The following NAV3 variants were observed in gnomAD, a reference collection of about 807,000 sequenced individuals.
The protein encoded by NAV3 is neuron navigator 3.
A neutral mutation model predicts 244.7 loss-of-function variants in NAV3; 87 were observed. The ratio of observed to expected loss-of-function variants is 0.36; its 90% confidence interval spans 0.30 to 0.42. NAV3 has a LOEUF of 0.42. NAV3 is among the 20% of genes least tolerant of loss of function. NAV3 has a pLI of 1.00. For synonymous variants in NAV3, 1,126 were observed against 1,042.2 expected (o/e 1.08, Z -1.55); for missense variants, 2,663 against 2,893.3 (o/e 0.92, Z 1.83).
chr12:78,000,670 A>AT (rs376261708), intron 7 of NAV3, among the ~76,000 whole-genome samples: 39,494 of 143,112 alleles, frequency 0.28, 5,605 homozygotes, highest in African/African-American at 0.34. Flanking sequence ...CGCCCGGCTA[A>AT]TTTTTTGTAT....
At position 78,003,366 on chromosome 12, in the gene NAV3, A is replaced by G. The variant is rs149766653; in HGVS notation, c.881-3053A>G. On this transcript the variant is annotated intron_variant, in intron 7 of 39. Transcript: ENST00000397909. ...TTTCCTCTTTCCACCACGATCTGTGATGCTTAAAGTATCCTATATTCAGCA... is the reference window on the plus strand; with the variant it reads ...TTTCCTCTTTCCACCACGATCTGTGGTGCTTAAAGTATCCTATATTCAGCA... Among the ~76,000 whole-genome samples, 26 of 152,298 alleles carry G rather than the reference A, an allele frequency of 1.7e-4. No homozygotes were observed. The East Asian group carries it at 3.7e-3, about 22-fold the overall frequency.
chr12:78,166,136 A>G (rs1463699101), intron 23 of NAV3, among the ~76,000 whole-genome samples: 2 of 151,958 alleles, frequency 1.3e-5, no homozygotes, highest in African/African-American at 2.4e-5. Flanking sequence ...AACAAACTAC[A>G]TTAAATAGTC....
intron 2 of NAV3, among the ~76,000 whole-genome samples, chr12:77,776,810 G>A (rs762785071): frequency 4.6e-5 from 7 of 152,116 alleles, no homozygotes; most frequent in African/African-American, 7.2e-5. Flanking sequence ...GAGAAACCCC[G>A]TCTCTACTAA....
At chr12:77,659,819 A>G (rs1031670894) in intron 2 of NAV3, among the ~76,000 whole-genome samples, 14 of 152,188 alleles carry the variant, frequency 9.2e-5, no homozygotes, top group African/African-American at 2.9e-4. Flanking sequence ...AGGGACATGG[A>G]TGAAACTGGA....
intron 2 of NAV3, among the ~76,000 whole-genome samples, chr12:77,752,365 G>A (rs760066984): frequency 5.9e-5 from 9 of 152,176 alleles, no homozygotes; most frequent in Non-Finnish European, 1.3e-4. Flanking sequence ...TTATAGGGAC[G>A]CAACTACTAC....
chr12:78,157,705 T>C (rs1008044429), intron 22 of NAV3, among the ~76,000 whole-genome samples: 28 of 152,110 alleles, frequency 1.8e-4, no homozygotes, highest in African/African-American at 6.0e-4. Context: ...TTTTTAGTGG[T>C]ATTTATCCAA....
chr12:77,917,718 T>C (rs775335079), intron 1 of NAV3, among the ~76,000 whole-genome samples: 8 of 152,056 alleles, frequency 5.3e-5, no homozygotes, highest in Admixed American at 1.3e-4. Flanking sequence ...GGCCAGAGTG[T>C]TTCTTTTTCA....
intron 34 of NAV3, 36 bp from the exon 35 acceptor site, chr12:78,197,211 A>G: frequency 2.7e-6 from 4 of 1,464,724 alleles, no homozygotes; most frequent in East Asian, 2.5e-5. Context: ...GTATAAATTT[A>G]TCACTGACGT....
chr12:77,937,374 C>T (rs568190497), intron 1 of NAV3, among the ~76,000 whole-genome samples: 1 of 152,286 alleles, frequency 6.6e-6, no homozygotes, highest in Admixed American at 6.5e-5. Flanking sequence ...GCTGGCCTCC[C>T]ATTTGTTTTC....
intron 1 of NAV3, among the ~76,000 whole-genome samples, chr12:77,868,678 C>T (rs1880455443): frequency 6.7e-6 from 1 of 149,708 alleles, no homozygotes; most frequent in Non-Finnish European, 1.5e-5. Context: ...ATTGCTAGAA[C>T]CTGGGAAATG....
chr12:78,042,918 G>T (rs1343074447), intron 9 of NAV3, among the ~76,000 whole-genome samples: 1 of 151,184 alleles, frequency 6.6e-6, no homozygotes, highest in Non-Finnish European at 1.5e-5. Context: ...AAATAATTAG[G>T]ATCCTAATGA....
chr12:77,967,828 C>T (rs919048139), intron 4 of NAV3, among the ~76,000 whole-genome samples: 5 of 151,942 alleles, frequency 3.3e-5, no homozygotes, highest in Non-Finnish European at 5.9e-5. Context: ...TGTTATCTGA[C>T]GTAAGCTAAT....
chr12:77,865,666 A>G (rs1879892713), intron 1 of NAV3, among the ~76,000 whole-genome samples: 2 of 152,222 alleles, frequency 1.3e-5, no homozygotes, highest in East Asian at 3.9e-4. Flanking sequence ...TGTATTTAAC[A>G]ACAAACAAAT....
intron 2 of NAV3, among the ~76,000 whole-genome samples, chr12:77,768,625 G>T (rs1869912651): frequency 6.6e-6 from 1 of 152,228 alleles, no homozygotes; most frequent in Non-Finnish European, 1.5e-5. Flanking sequence ...GTGGGGAGCT[G>T]CCAGGCAGAG....
intron 2 of NAV3, among the ~76,000 whole-genome samples, chr12:77,772,099 T>A (rs954453834): frequency 3.3e-5 from 5 of 152,098 alleles, no homozygotes; most frequent in Non-Finnish European, 5.9e-5. Context: ...CAACTACAAA[T>A]TTGATAACAT....
intron 2 of NAV3, among the ~76,000 whole-genome samples, chr12:77,581,157 A>C (rs1234206036): frequency 1.3e-5 from 2 of 152,334 alleles, no homozygotes; most frequent in East Asian, 1.9e-4. Flanking sequence ...CATGATCTAC[A>C]TGGAAAATTT....
intron 9 of NAV3, among the ~76,000 whole-genome samples, chr12:78,040,529 A>G (rs146620823): frequency 6.6e-5 from 10 of 152,304 alleles, no homozygotes; most frequent in African/African-American, 2.2e-4. Context: ...TGAAAATACA[A>G]CGTTCTTAAA....
intron 24 of NAV3, among the ~76,000 whole-genome samples, chr12:78,170,954 C>T (rs1485261814): frequency 1.3e-5 from 2 of 151,602 alleles, no homozygotes; most frequent in African/African-American, 2.4e-5. Context: ...TCCTGATTTA[C>T]AATAGTAGAG....
chr12:77,646,209 G>A (rs1162013457), intron 2 of NAV3, among the ~76,000 whole-genome samples: 1 of 152,008 alleles, frequency 6.6e-6, no homozygotes, highest in African/African-American at 2.4e-5. Context: ...CTTTCTGTTT[G>A]AAACTAACAA....
Sources: gnomAD v4.1 joint callset for allele counts (sites outside exome capture counted in the v4.1 genomes callset) on GRCh38, gnomAD v4.1.1 for gene constraint, MANE v1.5 for transcripts, NCBI Gene and HGNC (gene_info 2026-07-23, HGNC 2026-07-21) for gene names.